The following LILRB1 variants were observed in gnomAD, a reference collection of about 807,000 sequenced individuals.
LILRB1 encodes the protein leukocyte immunoglobulin-like receptor subfamily B member 1.
Under a neutral mutation model 74.6 loss-of-function variants are expected in LILRB1, and 59 were observed. That is an observed-to-expected ratio of 0.79 (90% CI 0.64 to 0.98). LILRB1 has a LOEUF of 0.98. Among genes scored for constraint, LILRB1 ranks in the 50% least tolerant of loss-of-function variants. The pLI, the probability that LILRB1 is intolerant of heterozygous loss-of-function variation, is 0.00. For missense variants in LILRB1, 804 were observed against 822.6 expected, an observed-to-expected ratio of 0.98 and a Z score of 0.28; for synonymous variants, 328 against 333.9, an observed-to-expected ratio of 0.98 and a Z score of 0.19.
chr19:54,629,433 A>T (rs994291614), upstream of LILRB1, among the ~76,000 whole-genome samples: 28 of 152,192 alleles, frequency 1.8e-4, no homozygotes, highest in African/African-American at 6.8e-4. Flanking sequence ...GCTATGTGGA[A>T]GCACATCCTT....
Position 54,636,536 on chromosome 19 carries a change from G to A in LILRB1, c.1696G>A (p.Glu566Lys), listed in dbSNP as rs41308744. The change falls in exon 14 of 15, where the codon GAG becomes AAG. Residue 566 changes from glutamate to lysine, a missense_variant. Physicochemically the swap from Glu to Lys is moderately conservative, Grantham distance 56. Coordinates refer to ENST00000324602, the MANE Select transcript of LILRB1 (RefSeq NM_001081637.3). ...DEDPQAVTYA[E>K]VKHSRPRREM... ...AGACCCCCAGGCAGTGACGTATGCC[G>A]AGGTGAAACACTCCAGACCTAGGAG... The A allele has an allele frequency of 1.9e-3, 2,995 of 1,603,542 alleles. 4 individuals carry two copies. Among genetic ancestry groups the A allele is most frequent in the Admixed American group, 2.8e-3 (169 of 59,780 alleles).
At chr19:54,620,561 A>T (rs1410587506) in intron 1 of LILRB1, among the ~76,000 whole-genome samples, 1 of 152,132 alleles carries the variant, frequency 6.6e-6, no homozygotes, top group African/African-American at 2.4e-5. Context: ...AGTATATGAG[A>T]TCCAAATGCA....
In LILRB1 at chr19:54,634,031, G is replaced by A. The variant is rs2081659; in HGVS notation, c.1363+10G>A. The stretch of plus-strand genomic sequence containing the variant: ...TCGGATCCCCAGAGTGGTGAGTGAC[G>A]GGCTCTGAGTGGGAGGTGGGCAGGG... On this transcript the variant is annotated intron_variant, in intron 9 of 14. Transcript: ENST00000324602. 16,618 of 1,587,738 alleles carry A rather than the reference G, an allele frequency of 0.01. 1,159 individuals carry two copies. The African/African-American group carries it at 0.17, about 16-fold the overall frequency.
exon 1 of LILRB1, chr19:54,617,250 T>C (rs976696266): frequency 2.0e-5 from 3 of 152,080 alleles, no homozygotes; most frequent in Admixed American, 1.3e-4. Flanking sequence ...GCAAGAAGAG[T>C]GACCCCCTTG....
chr19:54,629,140 C>A (rs1478545115), upstream of LILRB1, among the ~76,000 whole-genome samples: 2 of 152,120 alleles, frequency 1.3e-5, no homozygotes, highest in African/African-American at 4.8e-5. Flanking sequence ...TTTTTTCAAC[C>A]AAACGGGGGT....
intron 1 of LILRB1, among the ~76,000 whole-genome samples, chr19:54,620,599 A>G (rs2063430279): frequency 6.6e-6 from 1 of 152,214 alleles, no homozygotes; most frequent in African/African-American, 2.4e-5. Context: ...GAGAACAACC[A>G]GCTTAGTGGA....
Position 54,636,961 on chromosome 19 carries a change from A to T in LILRB1, c.*83A>T. On this transcript the variant is annotated 3_prime_UTR_variant, in exon 15 of 15. Transcript: ENST00000324602. ...CCCCCAGTGGACACCATTGGACCCC[A>T]CCCAGCCTGGATCTACCCCAGGAGA... The T allele has an allele frequency of 6.4e-7, 1 of 1,563,778 alleles. No individual in the cohort carries two copies. Among genetic ancestry groups the T allele is most frequent in the Non-Finnish European group, 8.7e-7 (1 of 1,145,336 alleles).
rs1442231717 is a variant in LILRB1, at chr19:54,631,646, A to T, written c.217A>T (p.Ile73Phe). Residue 73 changes from isoleucine to phenylalanine, a missense_variant, in exon 4 of 15, where the codon ATC becomes TTC. Ile to Phe is a conservative substitution (Grantham distance 21). Transcript: ENST00000324602. Reference sequence around the variant, plus strand: ...GAAAACAGCACCCTGGATTACACGGATCCCACAGGAGCTTGTGAAGAAGGG... The same window carrying T: ...GAAAACAGCACCCTGGATTACACGGTTCCCACAGGAGCTTGTGAAGAAGGG... ...EKKTAPWITR[I>F]PQELVKKGQF... The T allele has an allele frequency of 3.1e-6, 5 of 1,614,164 alleles. No individual in the cohort carries two copies. The highest frequency in any genetic ancestry group is 3.3e-5 in the Admixed American group (2 of 60,012).
intron 1 of LILRB1, among the ~76,000 whole-genome samples, chr19:54,622,703 A>T (rs1307484393): frequency 6.6e-6 from 1 of 152,158 alleles, no homozygotes; most frequent in Non-Finnish European, 1.5e-5. Context: ...GACTTCCAGT[A>T]CTGTGTTGAA....
rs1364632585 is a variant in LILRB1 at position 54,631,444 on chromosome 19, A to AT, written c.71-56_71-55insT. 671 of 1,600,818 alleles carry AT rather than the reference A, an allele frequency of 4.2e-4. 3 individuals are homozygous for AT. In the African/African-American group the frequency reaches 8.4e-3, roughly 20 times the overall value. On this transcript the variant is annotated intron_variant, in intron 3 of 14. Transcript: ENST00000324602. ...TGGAGGGTCCTGGGCTGAGAGCTGG[A>AT]ATCTGCTGGGTTGGGTGGGAAATGA... is the stretch of plus-strand genomic sequence containing the variant.
In LILRB1 at chr19:54,634,529, A is replaced by G. The variant is rs1397838671; in HGVS notation, c.1364-112A>G. 3 of 1,523,590 alleles carry G rather than the reference A, an allele frequency of 2.0e-6. No homozygotes were observed. In the Admixed American group the frequency reaches 5.9e-5, roughly 30 times the overall value. 94.4% of individuals were successfully genotyped at this position (1,523,590 alleles called of 1,614,324 possible). A position where few individuals can be genotyped will look rare whatever the true frequency, so the allele number is the denominator to read the frequency against. ...GGTGGGGTGGATGTTTCTGTGCTGC[A>G]CGACTGTTGTGGGGGTTGGAGGTGG... On this transcript the variant is annotated intron_variant, in intron 9 of 14. Coordinates refer to ENST00000324602, the MANE Select transcript of LILRB1 (RefSeq NM_001081637.3).
In LILRB1 at chr19:54,632,109, C is replaced by T; in HGVS notation, c.533C>T (p.Ser178Phe). The T allele has an allele frequency of 1.9e-6, 3 of 1,614,262 alleles. No homozygotes were observed. Among genetic ancestry groups the T allele is most frequent in the Non-Finnish European group, 2.5e-6 (3 of 1,180,034 alleles). ...TCCCAGCCCCATGCCCGTGGGTCGT[C>T]CCGCGCCATCTTCTCCGTGGGCCCC... is the stretch of plus-strand genomic sequence containing the variant. ...LNSQPHARGSSRAIFSVGPVS... is the reference protein window; with the variant it reads ...LNSQPHARGSFRAIFSVGPVS... The change falls in exon 5 of 15, where the codon TCC becomes TTC. Residue 178 changes from serine to phenylalanine, a missense_variant. Coordinates refer to ENST00000324602, the MANE Select transcript of LILRB1 (RefSeq NM_001081637.3).
chr19:54,632,959 G>A, intron 6 of LILRB1, 57 bp from the exon 7 acceptor site: 1 of 1,580,268 alleles, frequency 6.3e-7, no homozygotes, highest in Non-Finnish European at 8.6e-7. Context: ...GAGACCTGGG[G>A]AGGTGTCAGC....
rs2064215625 is a variant in LILRB1, at chr19:54,634,494, C to G, written c.1364-147C>G. ...CCCTCTCTGAGCGTCAGTTTTTCAT[C>G]TGTACAGTGGGTGGGGTGGATGTTT... On this transcript the variant is annotated intron_variant, in intron 9 of 14. Coordinates refer to ENST00000324602, the MANE Select transcript of LILRB1 (RefSeq NM_001081637.3). The G allele has an allele frequency of 3.6e-5, 55 of 1,521,072 alleles. No individual in the cohort carries two copies. The South Asian group carries it at 6.2e-4, about 17-fold the overall frequency. The allele number at this position is 1,521,072 out of a possible 1,614,324, so 94.2% of individuals were successfully genotyped here.
chr19:54,624,042 C>T (rs1207895483), intron 1 of LILRB1, among the ~76,000 whole-genome samples: 1 of 152,134 alleles, frequency 6.6e-6, no homozygotes, highest in Non-Finnish European at 1.5e-5. Flanking sequence ...TGGTGTGTTT[C>T]CTGTGAGGTG....
rs1212679795 is a variant in LILRB1 at position 54,636,996 on chromosome 19, C to G, written c.*118C>G. 1.5e-5 allele frequency: 19 copies of G among 1,278,808 alleles called. No homozygotes were observed. In the East Asian group the frequency reaches 4.1e-4, roughly 27 times the overall value. 79.2% of individuals were successfully genotyped at this position (1,278,808 alleles called of 1,614,324 possible). ...GATCTACCCCAGGAGACTCTGGGAA[C>G]TTTTAGGGGTCACTCAATTCTGCAG... On this transcript the variant is annotated 3_prime_UTR_variant, in exon 15 of 15. Transcript: ENST00000324602.
chr19:54,631,627 A>T lies in LILRB1; in HGVS notation c.198A>T (p.Thr66=), dbSNP rs61738513. 1.6e-3 allele frequency: 2,602 copies of T among 1,613,852 alleles called. 2 individuals are homozygous for T. In the African/African-American group the frequency reaches 0.029, roughly 18 times the overall value. The change falls in exon 4 of 15, where the codon ACA becomes ACT. Residue 66 remains threonine, a synonymous_variant. Coordinates refer to ENST00000324602, the MANE Select transcript of LILRB1 (RefSeq NM_001081637.3). The part of the protein sequence containing the change: ...QEYRLYREKK[T]APWITRIPQE... ...ACCGTCTATATAGAGAAAAGAAAAC[A>T]GCACCCTGGATTACACGGATCCCAC... is the stretch of plus-strand genomic sequence containing the variant.
At position 54,635,224 on chromosome 19, in the gene LILRB1, A is replaced by G. The variant is rs1406892064; in HGVS notation, c.1563-35A>G. 5 of 1,611,844 alleles carry G rather than the reference A, an allele frequency of 3.1e-6. No individual in the cohort carries two copies. The African/African-American group carries it at 5.3e-5, about 17-fold the overall frequency. ...CCAGACTCCCACCTGCTCGTGGCCC[A>G]TACACTGCCCCTAAAGCTCCCATTC... On this transcript the variant is annotated intron_variant, in intron 11 of 14. Coordinates refer to ENST00000324602, the MANE Select transcript of LILRB1 (RefSeq NM_001081637.3).
chr19:54,631,956 T>A lies in LILRB1; in HGVS notation c.380T>A (p.Leu127His). 1.2e-6 allele frequency: 2 copies of A among 1,613,190 alleles called. No individual in the cohort carries two copies. The highest frequency in any genetic ancestry group is 1.7e-6 in the Non-Finnish European group (2 of 1,179,304). Reference sequence around the variant, plus strand: ...CTAGGAGCCTACATCAAACCCACCCTCTCAGCCCAGCCCAGCCCCGTGGTG... The same window carrying A: ...CTAGGAGCCTACATCAAACCCACCCACTCAGCCCAGCCCAGCCCCGTGGTG... ...VVTGAYIKPT[L>H]SAQPSPVVNS... is the part of the protein sequence containing the mutation. Residue 127 changes from leucine (L) to histidine (H), a missense_variant, in exon 5 of 15, where the codon CTC (leucine) becomes CAC (histidine). Coordinates refer to ENST00000324602, the MANE Select transcript of LILRB1 (RefSeq NM_001081637.3).
Sources: gnomAD v4.1 joint callset for allele counts (sites outside exome capture counted in the v4.1 genomes callset) on GRCh38, gnomAD v4.1.1 for gene constraint, MANE v1.5 for transcripts, NCBI Gene and HGNC (gene_info 2026-07-23, HGNC 2026-07-21) for gene names.